ERBIN: variants seen among roughly 807,000 people sequenced by gnomAD.
ERBIN encodes erbb2 interacting protein.
A neutral mutation model predicts 158.4 loss-of-function variants in ERBIN; 60 were observed. The ratio of observed to expected loss-of-function variants is 0.38; its 90% confidence interval spans 0.31 to 0.47. ERBIN has a LOEUF of 0.47. Ranked by LOEUF, ERBIN falls within the 20% of genes least tolerant of loss-of-function variation. The pLI is 0.99. For missense variants in ERBIN, 1,610 were observed against 1,648.0 expected, an observed-to-expected ratio of 0.98 and a Z score of 0.40; for synonymous variants, 594 against 557.2, an observed-to-expected ratio of 1.07 and a Z score of -0.93.
intron 14 of ERBIN, among the ~76,000 whole-genome samples, chr5:66,034,996 A>G (rs1258415162): frequency 6.6e-6 from 1 of 152,140 alleles, no homozygotes; most frequent in Admixed American, 6.5e-5. Context: ...GTGATCAGCA[A>G]GTACTGTGAG....
chr5:66,074,808 TAAC>T (rs1273091755), intron 22 of ERBIN, among the ~76,000 whole-genome samples: 5 of 152,204 alleles, frequency 3.3e-5, no homozygotes, highest in Non-Finnish European at 7.3e-5. Context: ...AAAGTGAGTG[TAAC>T]AACAAGCACT....
intron 7 of ERBIN, among the ~76,000 whole-genome samples, chr5:66,015,770 G>A (rs533870456): frequency 6.6e-6 from 1 of 152,116 alleles, no homozygotes; most frequent in Non-Finnish European, 1.5e-5. Flanking sequence ...CCAAGAGTTT[G>A]CACTTGTAGT....
At chr5:66,046,308 AT>A (rs1440818760) in intron 17 of ERBIN, 44 bp from the exon 18 acceptor site, 1 of 1,159,116 alleles carries the variant, frequency 8.6e-7, no homozygotes, top group Non-Finnish European at 1.2e-6. Context: ...TAAAATAGAT[AT>A]AAAACTTAAA....
chr5:66,047,519 T>G (rs1177922226), intron 18 of ERBIN, among the ~76,000 whole-genome samples: 2 of 152,146 alleles, frequency 1.3e-5, no homozygotes, highest in Admixed American at 6.5e-5. Flanking sequence ...ACACTGCTAG[T>G]GGTAATGTAA....
In ERBIN at chr5:66,077,793, CAT is replaced by C. The variant is rs1258003734; in HGVS notation, c.4132-628_4132-627del. On this transcript the variant is annotated intron_variant, in intron 25 of 25. Transcript: ENST00000284037. ...ACACACACACACACACACACACACACATACACACACACACACAGTCACACTCA... is the reference window on the plus strand; with the variant it reads ...ACACACACACACACACACACACACACACACACACACACACAGTCACACTCA... Among the ~76,000 whole-genome samples, 554 of 124,446 alleles carry C rather than the reference CAT, an allele frequency of 4.5e-3. 7 individuals are homozygous for C. Among genetic ancestry groups the C allele is most frequent in the African/African-American group, 0.018 (489 of 27,678 alleles). 81.6% of individuals were successfully genotyped at this position (124,446 alleles called of 152,430 possible).
chr5:65,941,127 T>G lies in ERBIN; in HGVS notation c.-58+14321T>G, dbSNP rs888173222. 6.6e-5 allele frequency among the ~76,000 whole-genome samples: 10 copies of G among 151,960 alleles called. No individual in the cohort carries two copies. In the East Asian group the frequency reaches 9.7e-4, roughly 15 times the overall value. ...CAGATGCTTGAAGGCAGCATGCTCA[T>G]TAAGAGTCATCACCACTCCCTAATC... On this transcript the variant is annotated intron_variant, in intron 1 of 25. Transcript: ENST00000284037.
chr5:65,931,285 G>A (rs965929245), intron 1 of ERBIN, among the ~76,000 whole-genome samples: 8 of 152,348 alleles, frequency 5.3e-5, no homozygotes, highest in Middle Eastern at 3.4e-3. Context: ...CCCAGAAGGC[G>A]TGAGAAAGGT....
At chr5:65,943,890 T>C (rs1052279076) in intron 1 of ERBIN, among the ~76,000 whole-genome samples, 2 of 152,232 alleles carry the variant, frequency 1.3e-5, no homozygotes, top group African/African-American at 4.8e-5. Context: ...ACCATTTAAC[T>C]TTCTGTGTCT....
At chr5:66,016,432 T>C (rs1754722355) in intron 7 of ERBIN, among the ~76,000 whole-genome samples, 1 of 152,234 alleles carries the variant, frequency 6.6e-6, no homozygotes, top group South Asian at 2.1e-4. Context: ...TAAGATATGA[T>C]TGTAGCCTTT....
At chr5:65,940,146 G>A (rs1263678494) in intron 1 of ERBIN, among the ~76,000 whole-genome samples, 3 of 145,094 alleles carry the variant, frequency 2.1e-5, no homozygotes, top group Non-Finnish European at 4.6e-5. Context: ...AGTGAGGAGC[G>A]TCTCTGCCCG....
intron 13 of ERBIN, 96 bp from the exon 14 acceptor site, chr5:66,028,178 T>C: frequency 1.3e-6 from 1 of 795,844 alleles, no homozygotes; most frequent in South Asian, 1.9e-5. Context: ...TGTGCAACTA[T>C]ATAGCATTTT....
intron 1 of ERBIN, among the ~76,000 whole-genome samples, chr5:65,955,404 CG>C (rs1184338279): frequency 1.3e-5 from 2 of 151,744 alleles, no homozygotes. Context: ...CCGAGGTGTG[CG>C]GATCACTTGA....
intron 15 of ERBIN, 65 bp downstream of exon 15, chr5:66,038,547 C>A: frequency 1.6e-6 from 2 of 1,221,660 alleles, no homozygotes; most frequent in Non-Finnish European, 1.2e-6. Context: ...GTGAAGTGAA[C>A]TTTAAGTCTC....
At chr5:65,997,633 C>T (rs572644805) in intron 4 of ERBIN, among the ~76,000 whole-genome samples, 58 of 152,148 alleles carry the variant, frequency 3.8e-4, no homozygotes, top group African/African-American at 1.3e-3. Flanking sequence ...TTTCACTAAA[C>T]GCTAAATACT....
intron 14 of ERBIN, among the ~76,000 whole-genome samples, chr5:66,037,252 A>T (rs749205021): frequency 3.9e-5 from 6 of 152,126 alleles, no homozygotes; most frequent in Admixed American, 1.3e-4. Flanking sequence ...GGAATAGATG[A>T]ATACCACCAA....
rs949907598 is a variant in ERBIN at position 65,992,762 on chromosome 5, G to A, written c.44G>A (p.Arg15His). The change falls in exon 3 of 26, where the codon CGC becomes CAC. Residue 15 changes from arginine to histidine, a missense_variant. Arg to His is a conservative substitution (Grantham distance 29, BLOSUM62 0). Around this residue, in one of 2 missense-constraint regions of ERBIN, gnomAD observed 596 missense variants for 711.9 expected, o/e 0.84. Transcript: ENST00000284037. ...TTGTTTGTGCGGTTGGTACCATGTC[G>A]CTGTCTACGAGGGGAAGAGGAGACT... ...RSLFVRLVPC[R>H]CLRGEEETVT... 13 of 1,612,390 alleles carry A rather than the reference G, an allele frequency of 8.1e-6. No homozygotes were observed. The highest frequency in any genetic ancestry group is 3.3e-5 in the Admixed American group (2 of 59,726).
chr5:66,054,048 A>G lies in ERBIN; in HGVS notation c.2730A>G (p.Ile910Met). ...KITSAVDGKN[I>M]VRSKSATLLY... ...CATCTGCTGTTGATGGAAAAAATAT[A>G]GTCAGGAGCAAGTCTGCCACACTGT... is the stretch of plus-strand genomic sequence containing the variant. Residue 910 changes from isoleucine (I) to methionine (M), a missense_variant, in exon 21 of 26, where the codon ATA (isoleucine) becomes ATG (methionine). Around this residue, in one of 2 missense-constraint regions of ERBIN, gnomAD observed 1,014 missense variants for 936.1 expected, o/e 1.08. Coordinates refer to ENST00000284037, the MANE Select transcript of ERBIN (RefSeq NM_001253697.2). 1.2e-6 allele frequency: 2 copies of G among 1,614,198 alleles called. No homozygotes were observed. The highest frequency in any genetic ancestry group is 1.7e-6 in the Non-Finnish European group (2 of 1,180,030).
intron 14 of ERBIN, among the ~76,000 whole-genome samples, chr5:66,035,777 A>G (rs1377200460): frequency 6.6e-6 from 1 of 152,150 alleles, no homozygotes; most frequent in East Asian, 1.9e-4. Context: ...TTGCCATTTT[A>G]TTATATGTGG....
intron 1 of ERBIN, among the ~76,000 whole-genome samples, chr5:65,948,487 T>C (rs1157329115): frequency 1.3e-5 from 2 of 152,120 alleles, no homozygotes; most frequent in East Asian, 1.9e-4. Context: ...TGGTTTTTTT[T>C]CTATTTAAAT....
Sources: gnomAD v4.1 joint callset for allele counts (sites outside exome capture counted in the v4.1 genomes callset) on GRCh38, gnomAD v4.1.1 for gene constraint, gnomAD v4.1.1 regional missense constraint, MANE v1.5 for transcripts, NCBI Gene and HGNC (gene_info 2026-07-23, HGNC 2026-07-21) for gene names.